Variants in IL9 observed in about 807,000 individuals in gnomAD.
IL9 encodes the protein interleukin-9.
IL9 carries 16 observed loss-of-function variants against 12.9 expected under a neutral mutation model. The ratio of observed to expected loss-of-function variants is 1.24; its 90% CI spans 0.84 to 1.88. The LOEUF is 1.88. Among genes scored for constraint, IL9 ranks in the 40% most tolerant of loss-of-function variants. The pLI, the probability that IL9 is intolerant of heterozygous loss-of-function variation, is 0.00. For synonymous variants in IL9, 69 were observed against 63.8 expected, an observed-to-expected ratio of 1.08 and a Z score of -0.39; for missense variants, 170 against 173.1, an observed-to-expected ratio of 0.98 and a Z score of 0.10.
In IL9 at chr5:135,892,350, G is replaced by C; in HGVS notation, c.*41C>G. 6.9e-7 allele frequency: 1 copy of C among 1,452,490 alleles called. No individual in the cohort carries two copies. The highest frequency in any genetic ancestry group is 9.4e-7 in the Non-Finnish European group (1 of 1,068,988). The allele number at this position is 1,452,490 out of a possible 1,614,324, so 90.0% of individuals were successfully genotyped here. Reference sequence around the variant, plus strand: ...TAAATTGTAGCAACTTAAAGAGAAAGCTTTTTAAATTTAATAAATAGGATA... The same window carrying C: ...TAAATTGTAGCAACTTAAAGAGAAACCTTTTTAAATTTAATAAATAGGATA... On this transcript the variant is annotated 3_prime_UTR_variant, in exon 5 of 5. Transcript: ENST00000274520.
At chr5:135,892,773 CA>C (rs1561570698) in intron 4 of IL9, among the ~76,000 whole-genome samples, 4,059 of 150,922 alleles carry the variant, frequency 0.027, 175 homozygotes, top group African/African-American at 0.093. Flanking sequence ...CACACACACA[CA>C]CACACCCCTA....
At position 135,894,113 on chromosome 5, in the gene IL9, A is replaced by G. The variant is rs755934089; in HGVS notation, c.222T>C (p.Ser74=). 6.2e-7 allele frequency: 1 copy of G among 1,613,496 alleles called. No individual in the cohort carries two copies. Among genetic ancestry groups the G allele is most frequent in the East Asian group, 2.2e-5 (1 of 44,874 alleles). Residue 74 remains serine, a synonymous_variant, in exon 4 of 5, where the codon TCT becomes TCC. Coordinates refer to ENST00000274520, the MANE Select transcript of IL9 (RefSeq NM_000590.2). ...CTRPCFSERL[S]QMTNTTMQTR... is the part of the protein sequence containing the mutation. The stretch of plus-strand genomic sequence containing the variant: ...TTTGCATGGTGGTATTGGTCATCTG[A>G]GACAGTCTCTCACTGAAGCATGGTC...
At chr5:135,894,909 C>T (rs2126855699) in intron 3 of IL9, among the ~76,000 whole-genome samples, 1 of 152,256 alleles carries the variant, frequency 6.6e-6, no homozygotes, top group South Asian at 2.1e-4. Flanking sequence ...TTCAAACCAA[C>T]AGTCACTCTA....
intron 3 of IL9, 97 bp downstream of exon 3, chr5:135,895,343 A>G (rs942538803): frequency 1.0e-6 from 1 of 953,898 alleles, no homozygotes; most frequent in Non-Finnish European, 1.6e-6. Flanking sequence ...TTAAGCAACA[A>G]TGTATAACAT....
intron 3 of IL9, among the ~76,000 whole-genome samples, chr5:135,894,564 G>A (rs31564): frequency 1.2e-4 from 19 of 152,034 alleles, no homozygotes; most frequent in Non-Finnish European, 2.8e-4. Context: ...AAACATGGAC[G>A]GTACTCCAAG....
chr5:135,893,954 G>A, intron 4 of IL9, 66 bp downstream of exon 4: 1 of 1,382,782 alleles, frequency 7.2e-7, no homozygotes. Context: ...TGTTCAAACA[G>A]GGTTGGCATC....
intron 4 of IL9, among the ~76,000 whole-genome samples, chr5:135,893,086 G>A (rs897224735): frequency 8.5e-5 from 13 of 152,314 alleles, no homozygotes; most frequent in African/African-American, 3.1e-4. Context: ...AGATGCCATT[G>A]ATGGTAGAAA....
chr5:135,895,263 C>T (rs1436555251), intron 3 of IL9, among the ~76,000 whole-genome samples, 177 bp downstream of exon 3: 1 of 151,880 alleles, frequency 6.6e-6, no homozygotes, highest in Admixed American at 6.6e-5. Flanking sequence ...ATTTCAAGAT[C>T]GTAGTTTTAA....
At chr5:135,893,870 A>C (rs1476733327) in intron 4 of IL9, 150 bp downstream of exon 4, 7 of 613,622 alleles carry the variant, frequency 1.1e-5, no homozygotes, top group Non-Finnish European at 1.9e-5. Flanking sequence ...CTTTAATTAT[A>C]TTACTTCTGA....
In IL9 at chr5:135,894,066, C is replaced by A; in HGVS notation, c.269G>T (p.Ser90Ile). The A allele has an allele frequency of 6.2e-7, 1 of 1,612,920 alleles. No homozygotes were observed. The highest frequency in any genetic ancestry group is 8.5e-7 in the Non-Finnish European group (1 of 1,179,580). Residue 90 changes from serine to isoleucine, a missense_variant, in exon 4 of 5, where the codon AGT (serine) becomes ATT (isoleucine). Transcript: ENST00000274520. ...TACTTCAACTGATTTTTTCACCCGACTGAAAATCAGTGGGTATCTTGTTTG... is the reference window on the plus strand; with the variant it reads ...TACTTCAACTGATTTTTTCACCCGAATGAAAATCAGTGGGTATCTTGTTTG... Reference protein sequence around the residue: ...TMQTRYPLIFSRVKKSVEVLK... With the variant: ...TMQTRYPLIFIRVKKSVEVLK...
chr5:135,892,769 CACACACACA>C (rs1561570695), intron 4 of IL9, among the ~76,000 whole-genome samples: 5 of 142,742 alleles, frequency 3.5e-5, no homozygotes, highest in African/African-American at 1.3e-4. Context: ...CACACACACA[CACACACACA>C]CCCCTATTAA....
intron 3 of IL9, 144 bp from the exon 4 acceptor site, chr5:135,894,295 T>C: frequency 1.3e-6 from 1 of 771,448 alleles, no homozygotes. Flanking sequence ...CCCTTGCCAA[T>C]GTAGGAAGTG....
intron 3 of IL9, among the ~76,000 whole-genome samples, chr5:135,894,998 T>C (rs1434341175): frequency 2.0e-5 from 3 of 152,220 alleles, no homozygotes; most frequent in Non-Finnish European, 4.4e-5. Flanking sequence ...AGATCATTCA[T>C]GACAGATGAA....
At position 135,895,753 on chromosome 5, in the gene IL9, G is replaced by T; in HGVS notation, c.64C>A (p.Pro22Thr). The T allele has an allele frequency of 6.2e-7, 1 of 1,614,074 alleles. No homozygotes were observed. The highest frequency in any genetic ancestry group is 8.5e-7 in the Non-Finnish European group (1 of 1,179,972). Residue 22 changes from proline (P) to threonine (T), a missense_variant, in exon 1 of 5, where the codon CCA becomes ACA. Coordinates refer to ENST00000274520, the MANE Select transcript of IL9 (RefSeq NM_000590.2). Reference sequence around the variant, plus strand: ...ATGTCCAGGATCCCCGCCAAGGTTGGACACCCCTGGCCTGCCACGGAGCAC... The same window carrying T: ...ATGTCCAGGATCCCCGCCAAGGTTGTACACCCCTGGCCTGCCACGGAGCAC... ...LLCSVAGQGC[P>T]TLAGILDINF...
intron 3 of IL9, among the ~76,000 whole-genome samples, chr5:135,895,231 A>G (rs1023829063): frequency 1.3e-5 from 2 of 152,240 alleles, no homozygotes; most frequent in Non-Finnish European, 2.9e-5. Context: ...AATTAAATAC[A>G]AAGAAATGTT....
rs971993709 is a variant in IL9 at position 135,894,066 on chromosome 5, C to G, written c.269G>C (p.Ser90Thr). The stretch of plus-strand genomic sequence containing the variant: ...TACTTCAACTGATTTTTTCACCCGA[C>G]TGAAAATCAGTGGGTATCTTGTTTG... ...TMQTRYPLIF[S>T]RVKKSVEVLK... Residue 90 changes from serine (S) to threonine (T), a missense_variant, in exon 4 of 5, where the codon AGT becomes ACT. Physicochemically the swap from Ser to Thr is moderately conservative, Grantham distance 58 (BLOSUM62 1). Coordinates refer to ENST00000274520, the MANE Select transcript of IL9 (RefSeq NM_000590.2). 14 of 1,612,798 alleles carry G rather than the reference C, an allele frequency of 8.7e-6. No individual in the cohort carries two copies. The highest frequency in any genetic ancestry group is 1.2e-5 in the Non-Finnish European group (14 of 1,179,586).
At chr5:135,894,864 C>T (rs910782888) in intron 3 of IL9, among the ~76,000 whole-genome samples, 2 of 152,204 alleles carry the variant, frequency 1.3e-5, no homozygotes, top group African/African-American at 4.8e-5. Flanking sequence ...CTTCCACTCA[C>T]AACCTCAGAT....
intron 4 of IL9, among the ~76,000 whole-genome samples, chr5:135,892,901 G>A (rs1452866901): frequency 2.6e-5 from 4 of 152,112 alleles, no homozygotes; most frequent in Non-Finnish European, 4.4e-5. Context: ...CAGTACAATG[G>A]CTAAGAGTGG....
In IL9 at chr5:135,894,036, T is replaced by G. The variant is rs1262140374; in HGVS notation, c.299A>C (p.Lys100Thr). 1 of 1,612,520 alleles carries G rather than the reference T, an allele frequency of 6.2e-7. No homozygotes were observed. ...CAAACTTACTGGACACTTGTTGTTC[T>G]TTAGTACTTCAACTGATTTTTTCAC... ...SRVKKSVEVLKNNKCPYFSCE... is the reference protein window; with the variant it reads ...SRVKKSVEVLTNNKCPYFSCE... The change falls in exon 4 of 5, where the codon AAG (lysine) becomes ACG (threonine). Residue 100 changes from lysine to threonine, a missense_variant. Coordinates refer to ENST00000274520, the MANE Select transcript of IL9 (RefSeq NM_000590.2).
Sources: gnomAD v4.1 joint callset for allele counts (sites outside exome capture counted in the v4.1 genomes callset) on GRCh38, gnomAD v4.1.1 for gene constraint, MANE v1.5 for transcripts, NCBI Gene and HGNC (gene_info 2026-07-23, HGNC 2026-07-21) for gene names.